Variants in FBXO30 observed in about 807,000 individuals in gnomAD.
FBXO30 encodes the protein F-box only protein 30.
FBXO30 carries 21 observed loss-of-function variants against 58.1 expected under a neutral mutation model. The ratio of observed to expected loss-of-function variants is 0.36; its 90% CI spans 0.26 to 0.52. The LOEUF (loss-of-function observed/expected upper bound fraction) is 0.52. Among genes scored for constraint, FBXO30 ranks in the 20% least tolerant of loss-of-function variants. The probability of loss-of-function intolerance (pLI) is 0.93; values close to 1 mark genes in which losing one functional copy is unlikely to be tolerated. For synonymous variants in FBXO30, 309 were observed against 312.4 expected (o/e 0.99, Z 0.11); for missense variants, 744 against 897.3 (o/e 0.83, Z 2.18).
rs191844060 is a variant in FBXO30 at position 145,798,421 on chromosome 6, A to C, written c.*1685T>G. The C allele has an allele frequency of 1.3e-5, 2 of 152,608 alleles. No homozygotes were observed. Among genetic ancestry groups the C allele is most frequent in the African/African-American group, 4.8e-5 (2 of 41,572 alleles). 9.5% of individuals were successfully genotyped at this position (152,608 alleles called of 1,614,324 possible). ...AAAGCATAACTATAAAACAAAAGTT[A>C]ATGCTTGTGCTATCCTAACCACAGA... is the stretch of plus-strand genomic sequence containing the variant. On this transcript the variant is annotated 3_prime_UTR_variant, in exon 3 of 3. Transcript: ENST00000237281.
intron 1 of FBXO30, among the ~76,000 whole-genome samples, chr6:145,813,891 T>G (rs767060237): frequency 6.6e-6 from 1 of 152,176 alleles, no homozygotes; most frequent in Non-Finnish European, 1.5e-5. Context: ...AAACACATAC[T>G]GTTTTGCCTC....
intron 1 of FBXO30, among the ~76,000 whole-genome samples, chr6:145,806,978 A>T (rs916942172): frequency 5.3e-5 from 8 of 152,212 alleles, no homozygotes; most frequent in Non-Finnish European, 8.8e-5. Flanking sequence ...GCCTTAATAA[A>T]TTCTGCCACA....
At chr6:145,803,489 CA>C (rs1483723832) in intron 2 of FBXO30, among the ~76,000 whole-genome samples, 1 of 152,046 alleles carries the variant, frequency 6.6e-6, no homozygotes, top group Non-Finnish European at 1.5e-5. Flanking sequence ...GAATGCTGTG[CA>C]ACTAAATGTA....
rs1440132981 is a variant in FBXO30, at chr6:145,795,791, T to C, written c.*4315A>G. The C allele has an allele frequency of 1.3e-5, 2 of 151,886 alleles. No individual in the cohort carries two copies. Among genetic ancestry groups the C allele is most frequent in the African/African-American group, 4.8e-5 (2 of 41,414 alleles). 9.4% of individuals were successfully genotyped at this position (151,886 alleles called of 1,614,324 possible). ...GCCATTAATACATCTCAAGGTGTAC[T>C]GGCCAATTATGAAGATTATATATGT... is the stretch of plus-strand genomic sequence containing the variant. On this transcript the variant is annotated 3_prime_UTR_variant, in exon 3 of 3. Coordinates refer to ENST00000237281, the MANE Select transcript of FBXO30 (RefSeq NM_032145.5).
At chr6:145,801,389 TTGTGTGTGTGTG>T (rs145499061) in intron 2 of FBXO30, among the ~76,000 whole-genome samples, 1 of 150,716 alleles carries the variant, frequency 6.6e-6, no homozygotes, top group East Asian at 2.0e-4. Context: ...TTATGAGATT[TTGTGTGTGTGTG>T]TGTGTATGTG....
rs898206179 is a variant in FBXO30 at position 145,794,299 on chromosome 6, T to C, written c.*5807A>G. 6.6e-6 allele frequency: 1 copy of C among 151,994 alleles called. No individual in the cohort carries two copies. Among genetic ancestry groups the C allele is most frequent in the Admixed American group, 6.6e-5 (1 of 15,254 alleles). The allele number at this position is 151,994 out of a possible 1,614,324, so 9.4% of individuals were successfully genotyped here. A position where few individuals can be genotyped will look rare whatever the true frequency, so the allele number is the denominator to read the frequency against. On this transcript the variant is annotated 3_prime_UTR_variant, in exon 3 of 3. Coordinates refer to ENST00000237281, the MANE Select transcript of FBXO30 (RefSeq NM_032145.5). ...TCTGCATTTAAGGTAACAACATTTA[T>C]GTAAATCATGAGAAAAGGAAGCTAA...
Position 145,804,431 on chromosome 6 carries a change from GTA to G in FBXO30, c.1973_1974del (p.Ile658ThrfsTer25). ...GGATACTTCCTTTTCCCCCACTGCA[GTA>G]TGACCATGCCACGAGACTGAAGCAG... ...GSLLQSRGMV[I>X]LQWGKRKYPE... On this transcript the variant is annotated frameshift_variant, in exon 2 of 3. Coordinates refer to ENST00000237281, the MANE Select transcript of FBXO30 (RefSeq NM_032145.5). LOFTEE classifies it high-confidence loss of function. 1.2e-6 allele frequency: 2 copies of G among 1,613,592 alleles called. No individual in the cohort carries two copies. Among genetic ancestry groups the G allele is most frequent in the Non-Finnish European group, 1.7e-6 (2 of 1,179,730 alleles).
Position 145,806,129 on chromosome 6 carries a change from C to T in FBXO30, c.277G>A (p.Glu93Lys). The T allele has an allele frequency of 6.2e-7, 1 of 1,614,116 alleles. No homozygotes were observed. The highest frequency in any genetic ancestry group is 1.6e-4 in the Middle Eastern group (1 of 6,062). Residue 93 changes from glutamate to lysine, a missense_variant, in exon 2 of 3, where the codon GAA becomes AAA. By Grantham distance (56) the Glu-to-Lys change is moderately conservative. This residue lies in a region of FBXO30 where 135 missense variants were observed against 201.6 expected (regional missense o/e 0.67). Transcript: ENST00000237281. ...TAACTAACTGGCCATCGATTCCATT[C>T]CATAGTACAGCACACCACACTTGCA... Reference protein sequence around the residue: ...CPASVVCCTMEWNRWPVSYAD... With the variant: ...CPASVVCCTMKWNRWPVSYAD...
At chr6:145,808,137 A>AAAT (rs953244911) in intron 1 of FBXO30, among the ~76,000 whole-genome samples, 75 of 152,184 alleles carry the variant, frequency 4.9e-4, no homozygotes, top group African/African-American at 1.6e-3. Flanking sequence ...CTGTCTCAAA[A>AAAT]AATAATAATA....
chr6:145,814,617 G>C lies in FBXO30; in HGVS notation c.-31C>G, dbSNP rs1778448467. ...CCGTCACTCACCGGCCGGCGCGGCC[G>C]AACCGCGGCCCAGGCCCTAGCTGCC... On this transcript the variant is annotated 5_prime_UTR_variant, in exon 1 of 3. Coordinates refer to ENST00000237281, the MANE Select transcript of FBXO30 (RefSeq NM_032145.5). The C allele has an allele frequency of 6.6e-6, 1 of 152,000 alleles. No homozygotes were observed. Among genetic ancestry groups the C allele is most frequent in the South Asian group, 2.1e-4 (1 of 4,838 alleles). 9.4% of individuals were successfully genotyped at this position (152,000 alleles called of 1,614,324 possible).
rs3811103 is a variant in FBXO30 at position 145,805,418 on chromosome 6, A to T, written c.988T>A (p.Ser330Thr). Residue 330 changes from serine to threonine, a missense_variant, in exon 2 of 3, where the codon TCA (serine) becomes ACA (threonine). Coordinates refer to ENST00000237281, the MANE Select transcript of FBXO30 (RefSeq NM_032145.5). Reference sequence around the variant, plus strand: ...CTAAGTTGTGCTGCCACCGCAAGTGAGCTGGAAGGTTTTGAAGTGCCATCT... The same window carrying T: ...CTAAGTTGTGCTGCCACCGCAAGTGTGCTGGAAGGTTTTGAAGTGCCATCT... The part of the protein sequence containing the change: ...SSDGTSKPSS[S>T]LAVAAQLREI... 1.9e-6 allele frequency: 3 copies of T among 1,613,950 alleles called. No homozygotes were observed. In the Admixed American group the frequency reaches 5.0e-5, roughly 27 times the overall value.
Position 145,806,203 on chromosome 6 carries a change from G to A in FBXO30, c.203C>T (p.Pro68Leu), listed in dbSNP as rs1183905929. ...AACTTTATTTCGGGCCATGGTAAAT[G>A]GACATCCAAAGTCACTATTTAAGCA... ...VPCLNSDFGCPFTMARNKVAE... is the reference protein window; with the variant it reads ...VPCLNSDFGCLFTMARNKVAE... The change falls in exon 2 of 3, where the codon CCA (proline) becomes CTA (leucine). Residue 68 changes from proline to leucine, a missense_variant. This residue lies in a region of FBXO30 where 135 missense variants were observed against 201.6 expected (regional missense o/e 0.67). Coordinates refer to ENST00000237281, the MANE Select transcript of FBXO30 (RefSeq NM_032145.5). The A allele has an allele frequency of 1.2e-6, 2 of 1,613,976 alleles. No homozygotes were observed. The highest frequency in any genetic ancestry group is 2.2e-5 in the East Asian group (1 of 44,888).
chr6:145,797,880 TAAGAG>T lies in FBXO30; in HGVS notation c.*2221_*2225del, dbSNP rs569714016. ...GCCAACATAAAAACCTTTTCATACTTAAGAGGAGAGAGAGATGGTTTCCATGACAA... is the reference window on the plus strand; with the variant it reads ...GCCAACATAAAAACCTTTTCATACTTGAGAGAGAGATGGTTTCCATGACAA... On this transcript the variant is annotated 3_prime_UTR_variant, in exon 3 of 3. Transcript: ENST00000237281. 7.9e-5 allele frequency: 12 copies of T among 152,116 alleles called. No homozygotes were observed. In the East Asian group the frequency reaches 1.7e-3, roughly 22 times the overall value. The allele number at this position is 152,116 out of a possible 1,614,324, so 9.4% of individuals were successfully genotyped here. A position where few individuals can be genotyped will look rare whatever the true frequency, so the allele number is the denominator to read the frequency against.
intron 1 of FBXO30, among the ~76,000 whole-genome samples, chr6:145,814,307 G>A (rs551487766): frequency 2.6e-5 from 4 of 152,190 alleles, no homozygotes; most frequent in Non-Finnish European, 5.9e-5. Context: ...CACGGAGGTC[G>A]GTGCCCTCGA....
In FBXO30 at chr6:145,807,326, A is replaced by G. The variant is rs1452629784; in HGVS notation, c.-16-905T>C. ...GAGTAGGGATTAGAGAATAAATCAC[A>G]GTAGTCTTGAAAGAGAAGTCTTAAG... On this transcript the variant is annotated intron_variant, in intron 1 of 2. Coordinates refer to ENST00000237281, the MANE Select transcript of FBXO30 (RefSeq NM_032145.5). 3.9e-5 allele frequency among the ~76,000 whole-genome samples: 6 copies of G among 152,242 alleles called. No individual in the cohort carries two copies. The East Asian group carries it at 1.2e-3, about 29-fold the overall frequency.
rs893099150 is a variant in FBXO30 at position 145,794,759 on chromosome 6, TTGC to T, written c.*5344_*5346del. 3 of 151,852 alleles carry T rather than the reference TTGC, an allele frequency of 2.0e-5. No homozygotes were observed. Among genetic ancestry groups the T allele is most frequent in the Non-Finnish European group, 4.4e-5 (3 of 67,792 alleles). 9.4% of individuals were successfully genotyped at this position (151,852 alleles called of 1,614,324 possible). On this transcript the variant is annotated 3_prime_UTR_variant, in exon 3 of 3. Coordinates refer to ENST00000237281, the MANE Select transcript of FBXO30 (RefSeq NM_032145.5). ...TGATACTTGTTAGATTCAGCAATAC[TTGC>T]TGATTTTTGAAGAAAAAAATGAAAA... is the stretch of plus-strand genomic sequence containing the variant.
In FBXO30 at chr6:145,804,873, G is replaced by A. The variant is rs1228310970; in HGVS notation, c.1533C>T (p.Tyr511=). ...TAAACATTGAACGCTGCTTGGGTTG[G>A]TACCTAGCGACACATTCCAATACTA... is the stretch of plus-strand genomic sequence containing the variant. ...LDLVLECVAR[Y]QPKQRSMFTF... The change falls in exon 2 of 3, where the codon TAC becomes TAT. Residue 511 remains tyrosine, a synonymous_variant. Transcript: ENST00000237281. The A allele has an allele frequency of 1.9e-6, 3 of 1,613,826 alleles. No homozygotes were observed. Among genetic ancestry groups the A allele is most frequent in the Non-Finnish European group, 2.5e-6 (3 of 1,179,888 alleles).
chr6:145,799,809 C>G lies in FBXO30; in HGVS notation c.*297G>C, dbSNP rs1562557862. 1 of 175,348 alleles carries G rather than the reference C, an allele frequency of 5.7e-6. No homozygotes were observed. The highest frequency in any genetic ancestry group is 1.5e-4 in the East Asian group (1 of 6,640). 10.9% of individuals were successfully genotyped at this position (175,348 alleles called of 1,614,324 possible). A position where few individuals can be genotyped will look rare whatever the true frequency, so the allele number is the denominator to read the frequency against. On this transcript the variant is annotated 3_prime_UTR_variant, in exon 3 of 3. Coordinates refer to ENST00000237281, the MANE Select transcript of FBXO30 (RefSeq NM_032145.5). ...GTCAGGATTTTTTTAGTTTAAGAAG[C>G]AAAAATTTAAGAACCAAAATATGCA...
rs192282746 is a variant in FBXO30, at chr6:145,805,869, A to G, written c.537T>C (p.Tyr179=). The G allele has an allele frequency of 1.8e-5, 29 of 1,614,076 alleles. No individual in the cohort carries two copies. The East Asian group carries it at 2.5e-4, about 14-fold the overall frequency. The part of the protein sequence containing the change: ...NGLVSVDEES[Y]GALYQATVET... ...CTACAGTAGCTTGATAAAGTGCACC[A>G]TAAGATTCTTCATCAACAGACACTA... The change falls in exon 2 of 3, where the codon TAT becomes TAC. Residue 179 remains tyrosine (Y), a synonymous_variant. Transcript: ENST00000237281.
Sources: gnomAD v4.1 joint callset for allele counts (sites outside exome capture counted in the v4.1 genomes callset) on GRCh38, gnomAD v4.1.1 for gene constraint, gnomAD v4.1.1 regional missense constraint, MANE v1.5 for transcripts, NCBI Gene and HGNC (gene_info 2026-07-23, HGNC 2026-07-21) for gene names.